TRIM16: variants seen among roughly 807,000 people sequenced by gnomAD.
The protein encoded by TRIM16 is tripartite motif-containing protein 16.
In TRIM16, 33 loss-of-function variants were observed where a neutral mutation model predicts 50.4. The observed-to-expected ratio is 0.65, with a 90% CI of 0.50 to 0.88. The LOEUF (loss-of-function observed/expected upper bound fraction) is 0.88, where lower values mean the gene tolerates loss of function less well. Ranked by LOEUF, TRIM16 falls within the 40% of genes least tolerant of loss-of-function variation. TRIM16 has a pLI of 0.00. For synonymous variants in TRIM16, 229 were observed against 270.7 expected (o/e 0.85, Z 1.51); for missense variants, 581 against 686.8 (o/e 0.85, Z 1.72).
chr17:15,669,339 G>A (rs685251), intron 6 of TRIM16, among the ~76,000 whole-genome samples: 116,634 of 150,828 alleles, frequency 0.77, 45,489 homozygotes, highest in African/African-American at 0.87. Context: ...ACATCCATAC[G>A]TCAGAACACA....
chr17:15,647,112 G>A (rs1267299589), intron 7 of TRIM16, among the ~76,000 whole-genome samples: 29 of 151,604 alleles, frequency 1.9e-4, no homozygotes, highest in East Asian at 1.5e-3. Context: ...GATTATAGGC[G>A]CCTGCTACTG....
chr17:15,661,755 G>A (rs1988248146), intron 6 of TRIM16, among the ~76,000 whole-genome samples: 2 of 152,188 alleles, frequency 1.3e-5, no homozygotes, highest in South Asian at 4.1e-4. Context: ...TAAGCTCCAT[G>A]ACGCCATGGA....
intron 3 of TRIM16, 167 bp from the exon 4 acceptor site, chr17:15,681,120 G>C: frequency 1.7e-6 from 1 of 578,140 alleles, no homozygotes; most frequent in South Asian, 3.0e-5. Flanking sequence ...AATCTCAGAG[G>C]ATAGAATGAA....
rs1989248506 is a variant in TRIM16 at position 15,683,100 on chromosome 17, T to C, written c.-841A>G. 2 of 1,550,500 alleles carry C rather than the reference T, an allele frequency of 1.3e-6. No individual in the cohort carries two copies. Among genetic ancestry groups the C allele is most frequent in the African/African-American group, 1.4e-5 (1 of 73,066 alleles). ...TAGCCTTTGCTTCACTATTTGGGTG[T>C]AGCAACCTTTCCGTTCTCCACGTAT... On this transcript the variant is annotated 5_prime_UTR_variant, in exon 2 of 12. Transcript: ENST00000649191.
At chr17:15,650,949 G>C (rs1987660320) in intron 7 of TRIM16, 142 bp downstream of exon 7, 3 of 1,209,182 alleles carry the variant, frequency 2.5e-6, no homozygotes, top group Non-Finnish European at 3.4e-6. Flanking sequence ...CACTGACCCA[G>C]CAGGCAGACG....
At chr17:15,683,302 T>C (rs1309129244) in intron 1 of TRIM16, 145 bp from the exon 2 acceptor site, 2 of 654,262 alleles carry the variant, frequency 3.1e-6, no homozygotes, top group Non-Finnish European at 5.0e-6. Context: ...AGCCATTTAA[T>C]CTTCAGGAAG....
Position 15,629,071 on chromosome 17 carries a change from C to T in TRIM16, c.1239G>A (p.Leu413=), listed in dbSNP as rs1488021031. ...HPYPDLPSRF[L]HWRQVLSQQS... ...GCTGGGACAGCACCTGCCGCCAGTG[C>T]AGGAACCTGCTGGGGAGGTCCGGGT... The change falls in exon 12 of 12, where the codon CTG becomes CTA. Residue 413 remains leucine (L), a synonymous_variant. Transcript: ENST00000649191. 1 of 1,613,838 alleles carries T rather than the reference C, an allele frequency of 6.2e-7. No homozygotes were observed. Among genetic ancestry groups the T allele is most frequent in the African/African-American group, 1.3e-5 (1 of 74,916 alleles).
At chr17:15,670,099 A>T (rs1336190623) in intron 6 of TRIM16, among the ~76,000 whole-genome samples, 2 of 152,240 alleles carry the variant, frequency 1.3e-5, no homozygotes, top group African/African-American at 4.8e-5. Flanking sequence ...TAATTCCCTC[A>T]TGTCAGTTAG....
At chr17:15,643,350 A>T (rs1452420889) in intron 7 of TRIM16, 1 of 129,584 alleles carries the variant, frequency 7.7e-6, no homozygotes, top group Non-Finnish European at 1.5e-5. Context: ...CTTTACCCAC[A>T]TGATAAAACC....
chr17:15,653,846 A>G (rs1295302253), intron 6 of TRIM16, among the ~76,000 whole-genome samples: 4 of 152,202 alleles, frequency 2.6e-5, no homozygotes, highest in African/African-American at 9.6e-5. Flanking sequence ...TACACAGTGT[A>G]CCCAGCGTTT....
Position 15,651,301 on chromosome 17 carries a change from C to A in TRIM16, c.309G>T (p.Glu103Asp), listed in dbSNP as rs780443884. 1 of 1,614,130 alleles carries A rather than the reference C, an allele frequency of 6.2e-7. No homozygotes were observed. Among genetic ancestry groups the A allele is most frequent in the African/African-American group, 1.3e-5 (1 of 74,944 alleles). Residue 103 changes from glutamate to aspartate, a missense_variant, in exon 7 of 12, where the codon GAG (glutamate) becomes GAT (aspartate). Physicochemically the swap from Glu to Asp is conservative, Grantham distance 45. Transcript: ENST00000649191. ...CLTCMVNYCE[E>D]HLQPHQVNIK... ...TGTTCACCTGATGCGGCTGCAAGTGCTCTTCACAGTAATTCACCATGCAGG... is the reference window on the plus strand; with the variant it reads ...TGTTCACCTGATGCGGCTGCAAGTGATCTTCACAGTAATTCACCATGCAGG...
intron 7 of TRIM16, among the ~76,000 whole-genome samples, chr17:15,647,141 A>ATT (rs571772073): frequency 2.8e-5 from 4 of 141,232 alleles, no homozygotes; most frequent in Non-Finnish European, 4.7e-5. Context: ...TAATTTTTGT[A>ATT]TTTTTTTTTT....
intron 6 of TRIM16, among the ~76,000 whole-genome samples, chr17:15,658,212 G>A (rs1988063048): frequency 6.6e-6 from 1 of 152,178 alleles, no homozygotes; most frequent in Non-Finnish European, 1.5e-5. Context: ...AAGGATATAA[G>A]CAATGCCTGC....
rs780822886 is a variant in TRIM16 at position 15,651,180 on chromosome 17, G to A, written c.430C>T (p.Pro144Ser). 6 of 1,614,104 alleles carry A rather than the reference G, an allele frequency of 3.7e-6. No individual in the cohort carries two copies. In the African/African-American group the frequency reaches 4.0e-5, roughly 11 times the overall value. Residue 144 changes from proline (P) to serine (S), a missense_variant, in exon 7 of 12, where the codon CCT becomes TCT. Around this residue, in one of 3 missense-constraint regions of TRIM16, gnomAD observed 450 missense variants for 544.3 expected, o/e 0.83. Coordinates refer to ENST00000649191, the MANE Select transcript of TRIM16 (RefSeq NM_001348119.1). ...TCCTGGCAGATGCACTGCTGATCAG[G>A]GCAGCAGAAGGCAGACAGTGGGCTG... Reference protein sequence around the residue: ...HHSPLSAFCCPDQQCICQDCC... With the variant: ...HHSPLSAFCCSDQQCICQDCC...
chr17:15,657,913 T>C (rs73272118), intron 6 of TRIM16, among the ~76,000 whole-genome samples: 5,531 of 152,284 alleles, frequency 0.036, 258 homozygotes, highest in African/African-American at 0.11. Flanking sequence ...AAGTATCTCT[T>C]GCATAAAATG....
At chr17:15,680,837 CAAG>C (rs1340281981) in intron 4 of TRIM16, 25 bp downstream of exon 4, 4 of 1,520,320 alleles carry the variant, frequency 2.6e-6, no homozygotes, top group Non-Finnish European at 1.8e-6. Flanking sequence ...ATAAAATTTC[CAAG>C]AAGAGAGGAA....
chr17:15,664,268 C>T (rs567842326), intron 6 of TRIM16, among the ~76,000 whole-genome samples: 41 of 152,284 alleles, frequency 2.7e-4, no homozygotes, highest in African/African-American at 7.7e-4. Flanking sequence ...CAGGACTGGA[C>T]GTAGCCTTAG....
chr17:15,680,446 C>T (rs1013350852), intron 4 of TRIM16, among the ~76,000 whole-genome samples: 2 of 151,754 alleles, frequency 1.3e-5, no homozygotes, highest in Admixed American at 6.6e-5. Flanking sequence ...AGAAATGCCT[C>T]ACGTGCCTTT....
chr17:15,665,028 T>A (rs1290459129), intron 6 of TRIM16, among the ~76,000 whole-genome samples: 2 of 77,714 alleles, frequency 2.6e-5, no homozygotes. Context: ...TGAGACTCCG[T>A]CTCAAAAAAA....
Sources: gnomAD v4.1 joint callset for allele counts (sites outside exome capture counted in the v4.1 genomes callset) on GRCh38, gnomAD v4.1.1 for gene constraint, gnomAD v4.1.1 regional missense constraint, MANE v1.5 for transcripts, NCBI Gene and HGNC (gene_info 2026-07-23, HGNC 2026-07-21) for gene names.